Variants in SUPT16H observed in about 807,000 individuals in gnomAD.
The protein encoded by SUPT16H is SPT16 homolog, facilitates chromatin remodeling subunit.
A neutral mutation model predicts 136.2 loss-of-function variants in SUPT16H; 24 were observed. The ratio of observed to expected loss-of-function variants is 0.18; its 90% CI spans 0.13 to 0.25. SUPT16H has a LOEUF of 0.25. Among genes scored for constraint, SUPT16H ranks in the 10% least tolerant of loss-of-function variants. SUPT16H has a pLI of 1.00. For synonymous variants in SUPT16H, 415 were observed against 428.2 expected (o/e 0.97, Z 0.38); for missense variants, 623 against 1,270.2 (o/e 0.49, Z 7.74).
chr14:21,379,487 G>A (rs1594312287), intron 1 of SUPT16H, among the ~76,000 whole-genome samples: 1 of 147,758 alleles, frequency 6.8e-6, no homozygotes, highest in African/African-American at 2.5e-5. Flanking sequence ...AGCTGAGTAA[G>A]CAATATTTAA....
chr14:21,369,136 C>G, intron 6 of SUPT16H, 68 bp downstream of exon 6: 2 of 1,540,968 alleles, frequency 1.3e-6, no homozygotes. Flanking sequence ...CAAATTTGTA[C>G]AGATTTAACA....
chr14:21,364,978 A>G, intron 9 of SUPT16H, 39 bp from the exon 10 acceptor site: 1 of 1,609,120 alleles, frequency 6.2e-7, no homozygotes, highest in South Asian at 1.1e-5. Flanking sequence ...TGGCTGTGAC[A>G]ATGTGGAGAG....
chr14:21,361,391 ACTGC>A (rs1413387909), intron 15 of SUPT16H, 178 bp from the exon 16 acceptor site: 224 of 714,582 alleles, frequency 3.1e-4, no homozygotes, highest in Non-Finnish European at 4.6e-4. Context: ...ATCTTAGCTC[ACTGC>A]AACCTTCGCC....
chr14:21,361,530 T>C (rs1026997893), intron 15 of SUPT16H, among the ~76,000 whole-genome samples: 16 of 152,062 alleles, frequency 1.1e-4, no homozygotes, highest in African/African-American at 3.9e-4. Flanking sequence ...TTGACCAGGC[T>C]GGTCTTGAAC....
chr14:21,380,682 A>AT (rs1188949805), intron 1 of SUPT16H, among the ~76,000 whole-genome samples: 2 of 152,056 alleles, frequency 1.3e-5, no homozygotes, highest in African/African-American at 4.8e-5. Context: ...GAAAACAAAT[A>AT]TTTTTGACAT....
In SUPT16H at chr14:21,363,339, A is replaced by T; in HGVS notation, c.1300-11T>A. The T allele has an allele frequency of 6.2e-7, 1 of 1,600,074 alleles. No homozygotes were observed. The highest frequency in any genetic ancestry group is 2.3e-5 in the East Asian group (1 of 43,864). ...TTCCTCATCTTCATTCTATGGAAAA[A>T]GTCATAATCAAAAAATGAAATTTTA... On this transcript the variant is annotated splice_polypyrimidine_tract_variant and intron_variant, in intron 11 of 25. Coordinates refer to ENST00000216297, the MANE Select transcript of SUPT16H (RefSeq NM_007192.4).
At position 21,364,904 on chromosome 14, in the gene SUPT16H, G is replaced by A. The variant is rs146261984; in HGVS notation, c.1156C>T (p.Leu386=). 5 of 1,613,744 alleles carry A rather than the reference G, an allele frequency of 3.1e-6. No individual in the cohort carries two copies. Among genetic ancestry groups the A allele is most frequent in the Middle Eastern group, 3.4e-4 (2 of 5,856 alleles). The change falls in exon 10 of 26, where the codon CTG becomes TTG. Residue 386 remains leucine (L), a synonymous_variant. Coordinates refer to ENST00000216297, the MANE Select transcript of SUPT16H (RefSeq NM_007192.4). ...VFSINLGFSD[L]TNKEGKKPEE... is the part of the protein sequence containing the mutation. ...GGCTTTTTCCCCTCCTTGTTAGTCA[G>A]GTCTGAGAATCCTAAATTGATGCTG...
At chr14:21,375,314 C>A (rs1012903346) in intron 1 of SUPT16H, among the ~76,000 whole-genome samples, 8 of 152,124 alleles carry the variant, frequency 5.3e-5, no homozygotes, top group South Asian at 4.1e-4. Flanking sequence ...CACGCCCGGC[C>A]CTCACTGTAG....
At chr14:21,377,889 G>A (rs1427248205) in intron 1 of SUPT16H, among the ~76,000 whole-genome samples, 2 of 152,184 alleles carry the variant, frequency 1.3e-5, no homozygotes, top group African/African-American at 4.8e-5. Context: ...CTCCCAAAAT[G>A]CTGATATTAC....
In SUPT16H at chr14:21,353,549, T is replaced by C. The variant is rs779252518; in HGVS notation, c.2937A>G (p.Ser979=). 1.9e-6 allele frequency: 3 copies of C among 1,614,162 alleles called. No homozygotes were observed. The highest frequency in any genetic ancestry group is 1.1e-5 in the South Asian group (1 of 91,076). The change falls in exon 25 of 26, where the codon TCA becomes TCG. Residue 979 remains serine (S), a synonymous_variant. Transcript: ENST00000216297. Reference sequence around the variant, plus strand: ...TTCCACTCTCTTCTTCACTACCCAATGACTCCTTAGAATAGTCTGGAAGAA... The same window carrying C: ...TTCCACTCTCTTCTTCACTACCCAACGACTCCTTAGAATAGTCTGGAAGAA... ...EAEESDYSKE[S]LGSEEESGKD... is the part of the protein sequence containing the mutation.
At chr14:21,369,637 TTAAG>T in intron 5 of SUPT16H, 109 bp downstream of exon 5, 1 of 1,373,278 alleles carries the variant, frequency 7.3e-7, no homozygotes, top group South Asian at 1.3e-5. Flanking sequence ...TACCACCAAC[TTAAG>T]TGTCAGTCTT....
intron 1 of SUPT16H, among the ~76,000 whole-genome samples, chr14:21,377,635 T>C (rs1040767940): frequency 1.3e-4 from 18 of 142,188 alleles, no homozygotes; most frequent in Non-Finnish European, 2.5e-4. Context: ...TTATTTATTC[T>C]TTTTTTGAGA....
At chr14:21,383,502 G>C in intron 1 of SUPT16H, 1 of 619,276 alleles carries the variant, frequency 1.6e-6, no homozygotes, top group Non-Finnish European at 2.9e-6. Flanking sequence ...GGTTCTGGAG[G>C]GACAGAGCGA....
chr14:21,355,992 A>T (rs1886425394), intron 22 of SUPT16H, among the ~76,000 whole-genome samples: 1 of 152,230 alleles, frequency 6.6e-6, no homozygotes, highest in Non-Finnish European at 1.5e-5. Flanking sequence ...TCCCTGAAAG[A>T]AGGAAACAAC....
Position 21,368,292 on chromosome 14 carries a change from T to C in SUPT16H, c.932A>G (p.Glu311Gly). Residue 311 changes from glutamate to glycine, a missense_variant, in exon 7 of 26, where the codon GAG becomes GGG. Transcript: ENST00000216297. ...NYNFLLQLQE[E>G]LLKELRHGVK... ...ACCATGTCTTAATTCCTTCAGCAGC[T>C]CCTCTTGAAGCTGGAGCAAAAAGTT... 1.2e-6 allele frequency: 2 copies of C among 1,613,194 alleles called. No individual in the cohort carries two copies. The highest frequency in any genetic ancestry group is 1.7e-6 in the Non-Finnish European group (2 of 1,179,730).
chr14:21,372,808 C>T lies in SUPT16H; in HGVS notation c.159+530G>A, dbSNP rs981294094. 10 of 361,080 alleles carry T rather than the reference C, an allele frequency of 2.8e-5. 1 individual carries two copies. The Admixed American group carries it at 4.3e-4, about 15-fold the overall frequency. 22.4% of individuals were successfully genotyped at this position (361,080 alleles called of 1,614,324 possible). On this transcript the variant is annotated intron_variant, in intron 2 of 25. Transcript: ENST00000216297. Reference sequence around the variant, plus strand: ...TAAATCCATACTGATATTAATACTTCTTTTTCCTTATGTCTTAAATCACTG... The same window carrying T: ...TAAATCCATACTGATATTAATACTTTTTTTTCCTTATGTCTTAAATCACTG...
At chr14:21,368,716 A>G (rs1387609756) in intron 6 of SUPT16H, among the ~76,000 whole-genome samples, 4 of 152,202 alleles carry the variant, frequency 2.6e-5, no homozygotes, top group Non-Finnish European at 5.9e-5. Context: ...CCTGAATTGT[A>G]TCCATTATAG....
At position 21,359,622 on chromosome 14, in the gene SUPT16H, A is replaced by C; in HGVS notation, c.2176-13T>G. ...ACATGATGGCATTCTGTCGGCATAA[A>C]ACAGAAAGAACACAGAAGTCAGAAA... On this transcript the variant is annotated splice_polypyrimidine_tract_variant and intron_variant, in intron 18 of 25. Coordinates refer to ENST00000216297, the MANE Select transcript of SUPT16H (RefSeq NM_007192.4). 7 of 1,611,988 alleles carry C rather than the reference A, an allele frequency of 4.3e-6. No individual in the cohort carries two copies. Among genetic ancestry groups the C allele is most frequent in the Non-Finnish European group, 5.9e-6 (7 of 1,179,040 alleles).
rs778690579 is a variant in SUPT16H at position 21,363,138 on chromosome 14, A to G, written c.1407T>C (p.Thr469=). The change falls in exon 13 of 26, where the codon ACT becomes ACC. Residue 469 remains threonine (T), a synonymous_variant. Transcript: ENST00000216297. The part of the protein sequence containing the change: ...LLTERTRNEM[T]AEEKRRAHQK... ...GATGTGCTCTTCGCTTCTCTTCTGC[A>G]GTCATTTCATTCTGGTGAATGGAAA... 7 of 1,613,892 alleles carry G rather than the reference A, an allele frequency of 4.3e-6. No individual in the cohort carries two copies. In the South Asian group the frequency reaches 7.7e-5, roughly 18 times the overall value.
Sources: gnomAD v4.1 joint callset for allele counts (sites outside exome capture counted in the v4.1 genomes callset) on GRCh38, gnomAD v4.1.1 for gene constraint, MANE v1.5 for transcripts, NCBI Gene and HGNC (gene_info 2026-07-23, HGNC 2026-07-21) for gene names.